The following TKT variants were observed in gnomAD, a reference collection of about 807,000 sequenced individuals.
TKT encodes the protein transketolase.
Under a neutral mutation model 63.9 loss-of-function variants are expected in TKT, and 47 were observed. The ratio of observed to expected loss-of-function variants is 0.74; its 90% CI spans 0.58 to 0.94. The LOEUF (loss-of-function observed/expected upper bound fraction) is 0.94, where lower values mean the gene tolerates loss of function less well. Ranked by LOEUF, TKT falls within the 40% of genes least tolerant of loss-of-function variation. TKT has a pLI of 0.00. For missense variants in TKT, 721 were observed against 846.2 expected, an observed-to-expected ratio of 0.85 and a Z score of 1.84; for synonymous variants, 338 against 334.1, an observed-to-expected ratio of 1.01 and a Z score of -0.13.
chr3:53,251,220 C>A (rs1348407588), intron 1 of TKT, among the ~76,000 whole-genome samples: 2 of 152,202 alleles, frequency 1.3e-5, no homozygotes, highest in African/African-American at 4.8e-5. Flanking sequence ...AAGCACAGAC[C>A]ACCTTCCCTT....
Position 53,233,238 on chromosome 3 carries a change from C to T in TKT, c.666G>A (p.Glu222=), listed in dbSNP as rs143404282. The T allele has an allele frequency of 3.1e-6, 5 of 1,613,462 alleles. No individual in the cohort carries two copies. In the South Asian group the frequency reaches 3.3e-5, roughly 11 times the overall value. The stretch of plus-strand genomic sequence containing the variant: ...CCTGGCCAAAGGCCTTGCACAGCTC[C>T]TCCACGCTGTGTCCATCCACGATGA... The part of the protein sequence containing the change: ...HAIIVDGHSV[E]ELCKAFGQAK... The change falls in exon 6 of 14, where the codon GAG becomes GAA. Residue 222 remains glutamate, a synonymous_variant. Transcript: ENST00000462138.
chr3:53,253,753 G>T (rs1553681917), intron 1 of TKT, among the ~76,000 whole-genome samples: 1 of 152,122 alleles, frequency 6.6e-6, no homozygotes, highest in African/African-American at 2.4e-5. Flanking sequence ...GATAGAGCAA[G>T]ACTCCATCTC....
intron 4 of TKT, among the ~76,000 whole-genome samples, chr3:53,237,495 TACACAC>T (rs3075727): frequency 0.04 from 5,856 of 144,852 alleles, 283 homozygotes; most frequent in African/African-American, 0.11. Flanking sequence ...TTTTATATTA[TACACAC>T]ACACACACAC....
chr3:53,230,529 G>A lies in TKT; in HGVS notation c.1035C>T (p.Ser345=), dbSNP rs781982508. 9 of 1,614,124 alleles carry A rather than the reference G, an allele frequency of 5.6e-6. No individual in the cohort carries two copies. Among genetic ancestry groups the A allele is most frequent in the Non-Finnish European group, 5.1e-6 (6 of 1,180,054 alleles). Residue 345 remains serine, a synonymous_variant, in exon 8 of 14, where the codon TCC becomes TCT. Transcript: ENST00000462138. The stretch of plus-strand genomic sequence containing the variant: ...CCTTTTTGAAGATCTCCGAGAAGGT[G>A]GAATTTTTGGTGTCCCCATCCAGGG... ...IIALDGDTKN[S]TFSEIFKKEH... is the part of the protein sequence containing the mutation.
At chr3:53,246,441 T>C (rs1705507744) in intron 1 of TKT, among the ~76,000 whole-genome samples, 1 of 152,194 alleles carries the variant, frequency 6.6e-6, no homozygotes. Flanking sequence ...GAGCTACACT[T>C]CACAAATCCG....
chr3:53,231,403 G>A lies in TKT; in HGVS notation c.896C>T (p.Ala299Val). The change falls in exon 7 of 14, where the codon GCC becomes GTC. Residue 299 changes from alanine (A) to valine (V), a missense_variant. Ala to Val is a moderately conservative substitution (Grantham distance 64, BLOSUM62 0). Coordinates refer to ENST00000462138, the MANE Select transcript of TKT (RefSeq NM_001064.4). ...PQEDAPSVDI[A>V]NIRMPSLPSY... ...GGGCAGGCTGGGCATGCGGATGTTG[G>A]CAATGTCCACTGAGGGTGCGTCCTC... 6.2e-7 allele frequency: 1 copy of A among 1,613,998 alleles called. No homozygotes were observed. Among genetic ancestry groups the A allele is most frequent in the East Asian group, 2.2e-5 (1 of 44,888 alleles).
rs782084031 is a variant in TKT at position 53,233,259 on chromosome 3, G to A, written c.645C>T (p.Ile215=). The change falls in exon 6 of 14, where the codon ATC becomes ATT. Residue 215 remains isoleucine (I), a synonymous_variant. Coordinates refer to ENST00000462138, the MANE Select transcript of TKT (RefSeq NM_001064.4). ...GCTCCTCCACGCTGTGTCCATCCAC[G>A]ATGATGGCATGCCAACTGGGGACAG... The part of the protein sequence containing the change: ...RCEAFGWHAI[I]VDGHSVEELC... 5.0e-5 allele frequency: 81 copies of A among 1,611,208 alleles called. No homozygotes were observed. The highest frequency in any genetic ancestry group is 5.9e-5 in the Non-Finnish European group (70 of 1,178,740).
Position 53,225,619 on chromosome 3 carries a change from C to T in TKT, c.*137G>A, listed in dbSNP as rs910905902. 1.1e-5 allele frequency: 12 copies of T among 1,099,604 alleles called. No homozygotes were observed. The highest frequency in any genetic ancestry group is 1.5e-5 in the Non-Finnish European group (12 of 789,942). The allele number at this position is 1,099,604 out of a possible 1,614,324, so 68.1% of individuals were successfully genotyped here. ...CCAGAACCTGCACTGGCTGCAAACA[C>T]ATCAAAAAAGAAAACATTTCAGGGC... is the stretch of plus-strand genomic sequence containing the variant. On this transcript the variant is annotated 3_prime_UTR_variant, in exon 14 of 14. Coordinates refer to ENST00000462138, the MANE Select transcript of TKT (RefSeq NM_001064.4).
intron 1 of TKT, among the ~76,000 whole-genome samples, chr3:53,243,325 GCAGCT>G (rs1229568593): frequency 2.0e-5 from 3 of 152,006 alleles, no homozygotes; most frequent in East Asian, 1.9e-4. Context: ...CCCTCCACAT[GCAGCT>G]CAGCTCAGCT....
chr3:53,226,732 C>T (rs1704513856), intron 13 of TKT, 24 bp downstream of exon 13: 1 of 1,613,986 alleles, frequency 6.2e-7, no homozygotes, highest in Non-Finnish European at 8.5e-7. Flanking sequence ...CCTTGCCCAG[C>T]CTGCCTGCCC....
At chr3:53,239,525 TG>T (rs1705179960) in intron 4 of TKT, among the ~76,000 whole-genome samples, 1 of 152,104 alleles carries the variant, frequency 6.6e-6, no homozygotes, top group African/African-American at 2.4e-5. Context: ...TAGGCTGGTC[TG>T]GAACTCCTGG....
At chr3:53,246,940 G>T (rs1362874811) in intron 1 of TKT, among the ~76,000 whole-genome samples, 1 of 152,208 alleles carries the variant, frequency 6.6e-6, no homozygotes, top group African/African-American at 2.4e-5. Context: ...GATGAGGATG[G>T]AGGGACCCAC....
chr3:53,234,947 G>C, intron 5 of TKT, 36 bp downstream of exon 5: 5 of 1,573,986 alleles, frequency 3.2e-6, no homozygotes, highest in Non-Finnish European at 3.5e-6. Context: ...ACTCTCCCGT[G>C]CTGTGACCAC....
Position 53,233,145 on chromosome 3 carries a change from T to G in TKT, c.748+11A>C. ...GGGTGAAGGTGGGGAGGGCGGCTTG[T>G]GCATACTGACCCGTGATCCCTCGGC... On this transcript the variant is annotated intron_variant, in intron 6 of 13. Transcript: ENST00000462138. 2 of 1,611,550 alleles carry G rather than the reference T, an allele frequency of 1.2e-6. No individual in the cohort carries two copies. Among genetic ancestry groups the G allele is most frequent in the Non-Finnish European group, 1.7e-6 (2 of 1,178,376 alleles).
intron 4 of TKT, 96 bp from the exon 5 acceptor site, chr3:53,235,270 G>A: frequency 1.7e-6 from 2 of 1,178,626 alleles, no homozygotes; most frequent in East Asian, 2.7e-5. Context: ...TCTGGGTAAA[G>A]GAGCAGCCAC....
At chr3:53,243,307 G>C (rs1483779006) in intron 1 of TKT, among the ~76,000 whole-genome samples, 1 of 152,034 alleles carries the variant, frequency 6.6e-6, no homozygotes, top group African/African-American at 2.4e-5. Flanking sequence ...CAGGCCTCCC[G>C]GGAGGGCCCC....
At position 53,229,233 on chromosome 3, in the gene TKT, G is replaced by A. The variant is rs782133020; in HGVS notation, c.1264+47C>T. ...CCATCCCCCTCCCATACCTCCTGGT[G>A]CAAAAGTCAAGGGAGCTCCAGGTGT... On this transcript the variant is annotated intron_variant, in intron 9 of 13. Coordinates refer to ENST00000462138, the MANE Select transcript of TKT (RefSeq NM_001064.4). The A allele has an allele frequency of 5.0e-6, 8 of 1,612,962 alleles. No individual in the cohort carries two copies. In the East Asian group the frequency reaches 1.1e-4, roughly 22 times the overall value.
chr3:53,228,448 ATGGGAGCGT>A, intron 10 of TKT, 89 bp from the exon 11 acceptor site: 11 of 1,455,174 alleles, frequency 7.6e-6, no homozygotes, highest in Non-Finnish European at 1.0e-5. Flanking sequence ...ATCCCTTCCC[ATGGGAGCGT>A]TAGTTACTGC....
chr3:53,238,563 C>T (rs1553679184), intron 4 of TKT, among the ~76,000 whole-genome samples: 1 of 152,218 alleles, frequency 6.6e-6, no homozygotes, highest in Admixed American at 6.5e-5. Context: ...CCCACTATGG[C>T]ACTTCTGCTG....
Sources: allele counts gnomAD v4.1 joint callset (sites outside exome capture counted in the v4.1 genomes callset), GRCh38; gene constraint gnomAD v4.1.1; transcripts MANE v1.5; gene names NCBI Gene and HGNC (gene_info 2026-07-23, HGNC 2026-07-21).